EXT2: variants seen among roughly 807,000 people sequenced by gnomAD.
EXT2 encodes the protein exostosin-2.
Under a neutral mutation model 81.6 loss-of-function variants are expected in EXT2, and 53 were observed. The observed-to-expected ratio is 0.65, with a 90% CI of 0.52 to 0.82. The LOEUF is 0.82. EXT2 is among the 40% of genes least tolerant of loss of function. EXT2 has a pLI of 0.00. For missense variants in EXT2, 774 were observed against 910.2 expected (o/e 0.85, Z 1.93); for synonymous variants, 320 against 340.0 (o/e 0.94, Z 0.65).
chr11:44,145,122 CT>C (rs1954699550), intron 7 of EXT2, among the ~76,000 whole-genome samples: 1 of 152,026 alleles, frequency 6.6e-6, no homozygotes, highest in African/African-American at 2.4e-5. Flanking sequence ...CCTCCCGCAT[CT>C]GCTTGGGTTC....
chr11:44,150,627 TAG>T (rs955044000), intron 7 of EXT2, among the ~76,000 whole-genome samples: 4 of 152,306 alleles, frequency 2.6e-5, no homozygotes, highest in African/African-American at 9.6e-5. Flanking sequence ...CAGCTTAAAA[TAG>T]AGTCTCTACT....
At chr11:44,229,480 C>T (rs980045304) in intron 10 of EXT2, among the ~76,000 whole-genome samples, 3 of 152,198 alleles carry the variant, frequency 2.0e-5, no homozygotes, top group Non-Finnish European at 4.4e-5. Context: ...GTTAGGTGAG[C>T]TGGTTTCACA....
At chr11:44,098,844 T>C (rs987660943) in intron 1 of EXT2, among the ~76,000 whole-genome samples, 3 of 152,120 alleles carry the variant, frequency 2.0e-5, no homozygotes, top group African/African-American at 7.2e-5. Context: ...CCCCTCCTCC[T>C]TTGGAAATTC....
intron 7 of EXT2, among the ~76,000 whole-genome samples, chr11:44,151,812 T>C (rs951218491): frequency 2.6e-4 from 40 of 152,254 alleles, no homozygotes; most frequent in Non-Finnish European, 1.6e-4. Flanking sequence ...AAAGTGGCTG[T>C]ACCACTTTGC....
At chr11:44,114,158 T>C in intron 3 of EXT2, 27 bp from the exon 4 acceptor site, 1 of 1,587,166 alleles carries the variant, frequency 6.3e-7, no homozygotes. Flanking sequence ...TTCTTTCTCA[T>C]CGTTTAACAA....
chr11:44,240,774 G>T (rs1053955623), intron 13 of EXT2, among the ~76,000 whole-genome samples: 1 of 152,088 alleles, frequency 6.6e-6, no homozygotes, highest in Non-Finnish European at 1.5e-5. Context: ...ATTAAATAAG[G>T]CATTTAGATA....
intron 7 of EXT2, among the ~76,000 whole-genome samples, chr11:44,144,772 G>T (rs1189512862): frequency 6.6e-6 from 1 of 152,132 alleles, no homozygotes; most frequent in African/African-American, 2.4e-5. Context: ...GTCATAACAT[G>T]GGAGCGTTCC....
chr11:44,115,342 A>C (rs1435158449), intron 4 of EXT2, among the ~76,000 whole-genome samples: 1 of 152,192 alleles, frequency 6.6e-6, no homozygotes, highest in East Asian at 1.9e-4. Context: ...GGCCCATGCC[A>C]CTGCATCCAG....
rs1555004227 is a variant in EXT2, at chr11:44,119,124, T to TCATATATATATA, written c.743+4823_743+4824insCATATATATATA. On this transcript the variant is annotated intron_variant, in intron 4 of 13. Transcript: ENST00000533608. ...TGTCCCCCAGGGGACATTTGGCTAT[T>TCATATATATATA]TATATATATATATATATATATATAT... is the stretch of plus-strand genomic sequence containing the variant. Among the ~76,000 whole-genome samples the TCATATATATATA allele has an allele frequency of 1.1e-3, 28 of 25,652 alleles. 1 individual carries two copies. Among genetic ancestry groups the TCATATATATATA allele is most frequent in the African/African-American group, 2.1e-3 (27 of 13,164 alleles). The allele number at this position is 25,652 out of a possible 152,430, so 16.8% of individuals were successfully genotyped here.
chr11:44,105,049 C>T (rs997842912), intron 1 of EXT2, among the ~76,000 whole-genome samples: 2 of 152,112 alleles, frequency 1.3e-5, no homozygotes, highest in East Asian at 1.9e-4. Flanking sequence ...TGATTCATGA[C>T]CATTTAGCAT....
chr11:44,231,372 G>A (rs1169651182), intron 10 of EXT2, among the ~76,000 whole-genome samples: 1 of 152,132 alleles, frequency 6.6e-6, no homozygotes, highest in Non-Finnish European at 1.5e-5. Context: ...ACTTGTCTAG[G>A]GATAAGGAAT....
chr11:44,110,989 C>T (rs1046173710), intron 3 of EXT2, among the ~76,000 whole-genome samples: 17 of 152,116 alleles, frequency 1.1e-4, no homozygotes, highest in Admixed American at 2.0e-4. Flanking sequence ...TATCCTTCAT[C>T]CTTGCTCCTG....
At chr11:44,192,857 T>C (rs76897815) in intron 8 of EXT2, among the ~76,000 whole-genome samples, 1,726 of 152,312 alleles carry the variant, frequency 0.011, 42 homozygotes, top group African/African-American at 0.039. Flanking sequence ...TAAGTATGTA[T>C]AAAATGAGTT....
intron 8 of EXT2, among the ~76,000 whole-genome samples, chr11:44,195,163 G>A (rs561086488): frequency 1.7e-3 from 258 of 152,166 alleles, no homozygotes; most frequent in Non-Finnish European, 2.8e-3. Context: ...GGCCGGGCGC[G>A]GTGGCTCACA....
At chr11:44,144,382 C>G in intron 7 of EXT2, 2 of 1,507,420 alleles carry the variant, frequency 1.3e-6, no homozygotes, top group Non-Finnish European at 1.8e-6. Context: ...AAATGAATCT[C>G]TAGTCTCTTT....
chr11:44,211,194 C>T (rs769403518), intron 10 of EXT2, among the ~76,000 whole-genome samples: 5 of 152,164 alleles, frequency 3.3e-5, no homozygotes, highest in African/African-American at 1.2e-4. Flanking sequence ...TAAATTGATA[C>T]AGCCATTTTG....
chr11:44,166,850 G>T (rs965242341), intron 7 of EXT2, among the ~76,000 whole-genome samples: 10 of 152,196 alleles, frequency 6.6e-5, no homozygotes, highest in African/African-American at 2.2e-4. Context: ...TTTAACTTCT[G>T]CTCGGATAAG....
intron 4 of EXT2, among the ~76,000 whole-genome samples, chr11:44,115,733 G>T (rs1005254937): frequency 1.3e-5 from 2 of 152,204 alleles, no homozygotes; most frequent in African/African-American, 2.4e-5. Context: ...ACTCTGAGAA[G>T]TAAGAGAACT....
At chr11:44,169,507 GA>G (rs1955041817) in intron 7 of EXT2, among the ~76,000 whole-genome samples, 1 of 152,000 alleles carries the variant, frequency 6.6e-6, no homozygotes, top group African/African-American at 2.4e-5. Context: ...TTCTAAAGGT[GA>G]GAAAAAACTA....
Sources: allele counts gnomAD v4.1 joint callset (sites outside exome capture counted in the v4.1 genomes callset), GRCh38; gene constraint gnomAD v4.1.1; transcripts MANE v1.5; gene names NCBI Gene and HGNC (gene_info 2026-07-23, HGNC 2026-07-21).